Variants in MBP observed in about 807,000 individuals in gnomAD.
MBP encodes myelin basic protein.
MBP carries 16 observed loss-of-function variants against 35.8 expected under a neutral mutation model. That is an observed-to-expected ratio of 0.45 (90% CI 0.30 to 0.68). The LOEUF is 0.68. Among genes scored for constraint, MBP ranks in the 30% least tolerant of loss-of-function variants. MBP has a pLI of 0.08. For synonymous variants in MBP, 143 were observed against 159.6 expected, an observed-to-expected ratio of 0.90 and a Z score of 0.78; for missense variants, 380 against 404.7, an observed-to-expected ratio of 0.94 and a Z score of 0.52.
chr18:77,013,468 C>T, intron 4 of MBP: 1 of 985,132 alleles, frequency 1.0e-6, no homozygotes. Context: ...TACTGTAGAA[C>T]TAAAATATGT....
At chr18:77,088,590 T>C (rs1244318057) in intron 2 of MBP, among the ~76,000 whole-genome samples, 3 of 152,246 alleles carry the variant, frequency 2.0e-5, no homozygotes, top group Admixed American at 6.5e-5. Flanking sequence ...TCTAGAGATA[T>C]TGTAAATCAT....
intron 4 of MBP, among the ~76,000 whole-genome samples, chr18:77,008,631 C>A (rs1971139291): frequency 6.6e-6 from 1 of 152,220 alleles, no homozygotes; most frequent in Non-Finnish European, 1.5e-5. Flanking sequence ...TGGCCCTTGT[C>A]TGGCCCCGGC....
intron 4 of MBP, among the ~76,000 whole-genome samples, chr18:77,008,536 C>T (rs1267505863): frequency 2.6e-5 from 4 of 152,308 alleles, no homozygotes; most frequent in Admixed American, 6.5e-5. Flanking sequence ...GTTGCCTCCA[C>T]CCCTGTGGCT....
chr18:77,097,086 C>T (rs1051859010), intron 2 of MBP, among the ~76,000 whole-genome samples: 2 of 152,202 alleles, frequency 1.3e-5, no homozygotes, highest in Admixed American at 6.5e-5. Flanking sequence ...GAGACCAGGC[C>T]TGTTCTGGAA....
chr18:77,099,002 C>T (rs951746710), intron 2 of MBP, among the ~76,000 whole-genome samples: 2 of 151,952 alleles, frequency 1.3e-5, no homozygotes, highest in African/African-American at 2.4e-5. Context: ...CTCCATCCTC[C>T]CCGTCATCCT....
intron 2 of MBP, among the ~76,000 whole-genome samples, chr18:77,081,985 G>C (rs1323667221): frequency 6.6e-6 from 1 of 151,738 alleles, no homozygotes; most frequent in Non-Finnish European, 1.5e-5. Flanking sequence ...CCAAGTAGCT[G>C]GGACTACAGG....
At chr18:77,098,280 C>G (rs1351722278) in intron 2 of MBP, among the ~76,000 whole-genome samples, 4 of 150,476 alleles carry the variant, frequency 2.7e-5, no homozygotes, top group African/African-American at 7.4e-5. Context: ...TGTGGACTCA[C>G]TCACTTTACA....
intron 2 of MBP, among the ~76,000 whole-genome samples, chr18:77,103,531 AT>A (rs956499255): frequency 1.3e-5 from 2 of 152,242 alleles, no homozygotes. Context: ...AATCAAAAGT[AT>A]TTTTGCATCA....
At chr18:77,037,455 C>G (rs1972824598) in intron 3 of MBP, among the ~76,000 whole-genome samples, 2 of 152,170 alleles carry the variant, frequency 1.3e-5, no homozygotes. Context: ...GCCAGAGCCA[C>G]AGAGAGGTGG....
Position 76,984,874 on chromosome 18 carries a change from T to C in MBP, c.771A>G (p.Pro257=). The C allele has an allele frequency of 6.2e-7, 1 of 1,613,708 alleles. No homozygotes were observed. The highest frequency in any genetic ancestry group is 8.5e-7 in the Non-Finnish European group (1 of 1,180,038). ...RFSWGAEGQR[P]GFGYGGRASD... is the part of the protein sequence containing the mutation. Reference sequence around the variant, plus strand: ...ACGCTCTGCCTCCGTAGCCAAATCCTGGTCTCTGGCCTTCGGCCCCCTGCA... The same window carrying C: ...ACGCTCTGCCTCCGTAGCCAAATCCCGGTCTCTGGCCTTCGGCCCCCTGCA... The change falls in exon 8 of 9, where the codon CCA becomes CCG. Residue 257 remains proline (P), a synonymous_variant. Coordinates refer to ENST00000355994, the MANE Select transcript of MBP (RefSeq NM_001025101.2).
chr18:76,997,717 T>TGC (rs1970357176), intron 4 of MBP, among the ~76,000 whole-genome samples: 1 of 150,158 alleles, frequency 6.7e-6, no homozygotes, highest in Non-Finnish European at 1.5e-5. Flanking sequence ...GAGTCTCACT[T>TGC]TGTCCCCCAG....
intron 3 of MBP, among the ~76,000 whole-genome samples, chr18:77,049,544 A>C (rs1276936989): frequency 6.6e-6 from 1 of 152,216 alleles, no homozygotes; most frequent in Non-Finnish European, 1.5e-5. Flanking sequence ...TTTCATGCTC[A>C]GATTTATTTA....
At chr18:77,098,917 C>A (rs1975882787) in intron 2 of MBP, among the ~76,000 whole-genome samples, 2 of 151,978 alleles carry the variant, frequency 1.3e-5, no homozygotes, top group South Asian at 4.1e-4. Flanking sequence ...ACTACCCCCT[C>A]CCCTCTTCCT....
intron 2 of MBP, among the ~76,000 whole-genome samples, chr18:77,076,765 G>T (rs374332581): frequency 5.3e-5 from 8 of 152,218 alleles, no homozygotes; most frequent in Admixed American, 2.6e-4. Context: ...TTGAGTATGA[G>T]GTTAAACACA....
intron 7 of MBP, chr18:76,987,591 A>C (rs972167917): frequency 1.0e-6 from 1 of 985,000 alleles, no homozygotes; most frequent in Admixed American, 6.1e-5. Flanking sequence ...TTTAAAATGT[A>C]TTCATTCATT....
At chr18:76,998,941 T>C (rs1027411891) in intron 4 of MBP, among the ~76,000 whole-genome samples, 2 of 151,602 alleles carry the variant, frequency 1.3e-5, no homozygotes, top group Non-Finnish European at 2.9e-5. Flanking sequence ...AGATGCAAGG[T>C]GTCAGCGGAT....
chr18:76,994,260 G>A (rs1244835631), intron 4 of MBP, among the ~76,000 whole-genome samples: 1 of 152,200 alleles, frequency 6.6e-6, no homozygotes, highest in East Asian at 1.9e-4. Context: ...AAGCCACACC[G>A]CCTCGGTGTT....
At chr18:77,008,366 G>A (rs772891607) in intron 4 of MBP, among the ~76,000 whole-genome samples, 3 of 152,090 alleles carry the variant, frequency 2.0e-5, no homozygotes, top group Non-Finnish European at 2.9e-5. Flanking sequence ...CCAGAAGGAC[G>A]GGGGACCCTC....
intron 2 of MBP, among the ~76,000 whole-genome samples, chr18:77,068,150 G>T (rs536154160): frequency 1.3e-4 from 20 of 152,284 alleles, no homozygotes; most frequent in African/African-American, 4.8e-4. Flanking sequence ...ATGCTGTCTG[G>T]TGTGATTAAC....
Sources: gnomAD v4.1 joint callset for allele counts (sites outside exome capture counted in the v4.1 genomes callset) on GRCh38, gnomAD v4.1.1 for gene constraint, MANE v1.5 for transcripts, NCBI Gene and HGNC (gene_info 2026-07-23, HGNC 2026-07-21) for gene names.